Variants in PHLPP1 observed in about 807,000 individuals in gnomAD.
PHLPP1 encodes PH domain leucine-rich repeat-containing protein phosphatase 1.
Under a neutral mutation model 117.2 loss-of-function variants are expected in PHLPP1, and 42 were observed. The ratio of observed to expected loss-of-function variants is 0.36; its 90% CI spans 0.28 to 0.46. PHLPP1 has a LOEUF of 0.46. PHLPP1 is among the 20% of genes least tolerant of loss of function. The pLI, the probability that PHLPP1 is intolerant of heterozygous loss-of-function variation, is 1.00. For missense variants in PHLPP1, 2,084 were observed against 2,241.9 expected, an observed-to-expected ratio of 0.93 and a Z score of 1.42; for synonymous variants, 1,042 against 970.7, an observed-to-expected ratio of 1.07 and a Z score of -1.37.
chr18:62,866,550 G>T (rs1023132222), intron 4 of PHLPP1, among the ~76,000 whole-genome samples: 5 of 151,998 alleles, frequency 3.3e-5, no homozygotes, highest in Admixed American at 2.0e-4. Context: ...TGGCCCAAAA[G>T]GTTAGTATTT....
chr18:62,963,609 G>GT, intron 14 of PHLPP1, 137 bp downstream of exon 14: 1 of 615,258 alleles, frequency 1.6e-6, no homozygotes, highest in Non-Finnish European at 2.9e-6. Flanking sequence ...TTTCCCCAGA[G>GT]TGAGGCTCCC....
At chr18:62,920,988 G>A (rs1424583358) in intron 10 of PHLPP1, among the ~76,000 whole-genome samples, 3 of 152,188 alleles carry the variant, frequency 2.0e-5, no homozygotes, top group Admixed American at 1.3e-4. Flanking sequence ...ATTTGAAGTT[G>A]TTTTGAATGG....
At chr18:62,833,950 A>G (rs1360397534) in intron 2 of PHLPP1, among the ~76,000 whole-genome samples, 1 of 152,208 alleles carries the variant, frequency 6.6e-6, no homozygotes, top group Non-Finnish European at 1.5e-5. Flanking sequence ...GGTTATATGT[A>G]GGAATGTTTT....
intron 1 of PHLPP1, among the ~76,000 whole-genome samples, chr18:62,811,485 C>T (rs997730982): frequency 1.3e-5 from 2 of 149,834 alleles, no homozygotes; most frequent in South Asian, 2.1e-4. Flanking sequence ...TTAAAATGGA[C>T]GAAAATTCAC....
At chr18:62,717,929 T>A (rs1010850779) in intron 1 of PHLPP1, among the ~76,000 whole-genome samples, 2 of 152,258 alleles carry the variant, frequency 1.3e-5, no homozygotes, top group African/African-American at 4.8e-5. Flanking sequence ...TCTCTCATTT[T>A]CTTCCAGCCT....
intron 10 of PHLPP1, among the ~76,000 whole-genome samples, chr18:62,931,187 A>G (rs1568165231): frequency 2.0e-5 from 2 of 100,642 alleles, no homozygotes; most frequent in Non-Finnish European, 4.5e-5. Flanking sequence ...ACAGAGAGAG[A>G]CTCCATCTAA....
At chr18:62,811,470 A>G (rs771806827) in intron 1 of PHLPP1, among the ~76,000 whole-genome samples, 3 of 152,138 alleles carry the variant, frequency 2.0e-5, no homozygotes, top group African/African-American at 4.8e-5. Flanking sequence ...AAGGTATGCA[A>G]ATTTTTAAAA....
At chr18:62,756,443 C>A (rs1440860906) in intron 1 of PHLPP1, among the ~76,000 whole-genome samples, 1 of 152,184 alleles carries the variant, frequency 6.6e-6, no homozygotes, top group Non-Finnish European at 1.5e-5. Context: ...CTTAAATAAT[C>A]AGGGGATTAT....
Position 62,954,477 on chromosome 18 carries a change from T to A in PHLPP1, c.3325-4152T>A, listed in dbSNP as rs139908930. 6.6e-5 allele frequency among the ~76,000 whole-genome samples: 10 copies of A among 152,318 alleles called. No individual in the cohort carries two copies. In the East Asian group the frequency reaches 1.7e-3, roughly 26 times the overall value. ...ACCATTATGATTCAGCCAACAAGTG[T>A]TTGTGGAGTACCTCAGCAGTCAGCC... is the stretch of plus-strand genomic sequence containing the variant. On this transcript the variant is annotated intron_variant, in intron 12 of 16. Coordinates refer to ENST00000262719, the MANE Select transcript of PHLPP1 (RefSeq NM_194449.4).
intron 1 of PHLPP1, among the ~76,000 whole-genome samples, chr18:62,753,805 T>C (rs572641074): frequency 6.6e-6 from 1 of 152,380 alleles, no homozygotes; most frequent in East Asian, 1.9e-4. Context: ...GCAGTTTATT[T>C]CTCTGCAAGT....
At chr18:62,914,266 C>T (rs1285600168) in intron 8 of PHLPP1, among the ~76,000 whole-genome samples, 1 of 152,082 alleles carries the variant, frequency 6.6e-6, no homozygotes. Flanking sequence ...GAAAATAAAA[C>T]TATGATATGC....
intron 10 of PHLPP1, among the ~76,000 whole-genome samples, chr18:62,936,563 A>G (rs906208657): frequency 3.9e-5 from 6 of 152,230 alleles, no homozygotes; most frequent in Non-Finnish European, 8.8e-5. Flanking sequence ...GGCAGACACC[A>G]CCTTAACCAA....
At chr18:62,853,856 T>G (rs1177390434) in intron 3 of PHLPP1, among the ~76,000 whole-genome samples, 1 of 152,238 alleles carries the variant, frequency 6.6e-6, no homozygotes, top group Admixed American at 6.5e-5. Flanking sequence ...CTTTTATTGC[T>G]TGGAGTGGTA....
rs555767797 is a variant in PHLPP1 at position 62,925,848 on chromosome 18, C to T, written c.2960+5734C>T. Among the ~76,000 whole-genome samples the T allele has an allele frequency of 3.3e-5, 5 of 152,244 alleles. No individual in the cohort carries two copies. The South Asian group carries it at 8.3e-4, about 25-fold the overall frequency. ...GCTCTTATCTCAGGTCTTCTCCCTT[C>T]GATTTTAGAGGGATAGTCTGGGAAC... On this transcript the variant is annotated intron_variant, in intron 10 of 16. Coordinates refer to ENST00000262719, the MANE Select transcript of PHLPP1 (RefSeq NM_194449.4).
intron 1 of PHLPP1, among the ~76,000 whole-genome samples, chr18:62,815,233 C>G (rs1466892463): frequency 1.3e-5 from 2 of 151,054 alleles, no homozygotes; most frequent in African/African-American, 4.9e-5. Context: ...TCTCTGCTCA[C>G]TGCAAGCTCT....
intron 14 of PHLPP1, among the ~76,000 whole-genome samples, chr18:62,968,002 T>C (rs890661084): frequency 2.0e-5 from 3 of 152,172 alleles, no homozygotes; most frequent in African/African-American, 7.2e-5. Flanking sequence ...TTTATATTTT[T>C]AGTAGAGACA....
At chr18:62,747,252 T>C (rs1911703131) in intron 1 of PHLPP1, among the ~76,000 whole-genome samples, 1 of 151,532 alleles carries the variant, frequency 6.6e-6, no homozygotes, top group Non-Finnish European at 1.5e-5. Context: ...CTTAGCTTAC[T>C]AATTTTTAGG....
At chr18:62,971,985 G>A (rs975645029) in intron 14 of PHLPP1, among the ~76,000 whole-genome samples, 4 of 150,920 alleles carry the variant, frequency 2.7e-5, no homozygotes, top group Non-Finnish European at 5.9e-5. Context: ...GCAGTGAGCC[G>A]AGATCACACT....
At chr18:62,953,838 G>A (rs866582024) in intron 12 of PHLPP1, among the ~76,000 whole-genome samples, 4 of 152,224 alleles carry the variant, frequency 2.6e-5, no homozygotes, top group African/African-American at 9.6e-5. Flanking sequence ...CACGGTGGAG[G>A]TGGTGGACTG....
Sources: allele counts gnomAD v4.1 joint callset (sites outside exome capture counted in the v4.1 genomes callset), GRCh38; gene constraint gnomAD v4.1.1; transcripts MANE v1.5; gene names NCBI Gene and HGNC (gene_info 2026-07-23, HGNC 2026-07-21).